Variants in BRINP1 observed in about 807,000 individuals in gnomAD.
BRINP1 encodes the protein BMP/retinoic acid inducible neural specific 1, also known as BMP/retinoic acid-inducible neural-specific protein 1.
A neutral mutation model predicts 72.9 loss-of-function variants in BRINP1; 17 were observed. That is an observed-to-expected ratio of 0.23 (90% CI 0.16 to 0.35). The LOEUF (loss-of-function observed/expected upper bound fraction) is 0.35. Ranked by LOEUF, BRINP1 falls within the 10% of genes least tolerant of loss-of-function variation. BRINP1 has a pLI of 1.00. For missense variants in BRINP1, 850 were observed against 1,001.6 expected (o/e 0.85, Z 2.04); for synonymous variants, 418 against 378.5 (o/e 1.10, Z -1.21).
chr9:119,280,589 G>C (rs754885848), intron 2 of BRINP1, among the ~76,000 whole-genome samples: 29 of 152,170 alleles, frequency 1.9e-4, no homozygotes, highest in Non-Finnish European at 3.1e-4. Flanking sequence ...ACCCAATTGA[G>C]ATGCAGCAAT....
chr9:119,259,999 A>C (rs1035405521), intron 2 of BRINP1, among the ~76,000 whole-genome samples: 8 of 152,136 alleles, frequency 5.3e-5, no homozygotes, highest in Non-Finnish European at 1.2e-4. Flanking sequence ...GCCTCCCCCA[A>C]ATCCACATTC....
rs919155521 is a variant in BRINP1, at chr9:119,269,775, A to G, written c.219-20625T>C. On this transcript the variant is annotated intron_variant, in intron 2 of 7. Coordinates refer to ENST00000265922, the MANE Select transcript of BRINP1 (RefSeq NM_014618.3). ...CACATGATTCATTCATTCATTCAAT[A>G]TTTCATTCATTCATTCAGGCACACA... is the stretch of plus-strand genomic sequence containing the variant. Among the ~76,000 whole-genome samples the G allele has an allele frequency of 5.3e-5, 8 of 152,222 alleles. No individual in the cohort carries two copies. The East Asian group carries it at 7.7e-4, about 15-fold the overall frequency.
intron 1 of BRINP1, among the ~76,000 whole-genome samples, chr9:119,333,959 G>A (rs1831325158): frequency 6.6e-6 from 1 of 152,160 alleles, no homozygotes; most frequent in African/African-American, 2.4e-5. Context: ...GCAGATTAAG[G>A]GGCCTTTGAC....
chr9:119,338,716 C>CA (rs560291604), intron 1 of BRINP1, among the ~76,000 whole-genome samples: 35,380 of 108,336 alleles, frequency 0.33, 5,408 homozygotes, highest in Non-Finnish European at 0.41. Context: ...ACTAAAAATA[C>CA]AAAAAAAAAA....
At chr9:119,251,544 T>A (rs587407) in intron 2 of BRINP1, among the ~76,000 whole-genome samples, 108,455 of 152,070 alleles carry the variant, frequency 0.71, 39,565 homozygotes, top group East Asian at 0.91. Flanking sequence ...GGAGTTCAAA[T>A]CCAGCCTGGA....
At chr9:119,278,778 C>T (rs573475507) in intron 2 of BRINP1, among the ~76,000 whole-genome samples, 63 of 152,212 alleles carry the variant, frequency 4.1e-4, no homozygotes, top group Middle Eastern at 6.8e-3. Context: ...GTCTCAGCTA[C>T]TCAGGAGGCT....
Position 119,166,710 on chromosome 9 carries a change from A to ACATATATCTCTCTTTC in BRINP1, c.*358_*373dup, listed in dbSNP as rs1829316503. The stretch of plus-strand genomic sequence containing the variant: ...AAAATGGCAGTGTCAGTTGTACATT[A>ACATATATCTCTCTTTC]CATATATCTCTCTTTCTTTTTAGTG... On this transcript the variant is annotated 3_prime_UTR_variant, in exon 8 of 8. Transcript: ENST00000265922. 5.9e-6 allele frequency: 1 copy of ACATATATCTCTCTTTC among 170,466 alleles called. No individual in the cohort carries two copies. Among genetic ancestry groups the ACATATATCTCTCTTTC allele is most frequent in the Admixed American group, 6.0e-5 (1 of 16,766 alleles). The allele number at this position is 170,466 out of a possible 1,614,324, so 10.6% of individuals were successfully genotyped here.
At chr9:119,266,492 T>C (rs1327957823) in intron 2 of BRINP1, among the ~76,000 whole-genome samples, 3 of 152,242 alleles carry the variant, frequency 2.0e-5, no homozygotes, top group African/African-American at 7.2e-5. Context: ...ACCTCGAATA[T>C]TTAACATTTT....
chr9:119,182,939 C>G (rs1012452167), intron 7 of BRINP1, among the ~76,000 whole-genome samples: 1 of 151,986 alleles, frequency 6.6e-6, no homozygotes, highest in African/African-American at 2.4e-5. Flanking sequence ...CAGAAAAATG[C>G]AAATTAAACT....
At chr9:119,345,829 G>A (rs908621979) in intron 1 of BRINP1, among the ~76,000 whole-genome samples, 4 of 152,146 alleles carry the variant, frequency 2.6e-5, no homozygotes, top group African/African-American at 9.7e-5. Flanking sequence ...GTCAAGCACT[G>A]CTCTAAGATC....
chr9:119,221,527 G>A (rs542127504), intron 5 of BRINP1, among the ~76,000 whole-genome samples: 4 of 152,210 alleles, frequency 2.6e-5, no homozygotes, highest in African/African-American at 7.2e-5. Flanking sequence ...CAGAAAGGGC[G>A]AAAAGGCTAT....
At chr9:119,217,364 GAGAGA>G (rs923893279) in intron 5 of BRINP1, among the ~76,000 whole-genome samples, 2 of 151,782 alleles carry the variant, frequency 1.3e-5, no homozygotes, top group African/African-American at 2.4e-5. Context: ...GAAAGAGAGA[GAGAGA>G]AAAGAAAACT....
At chr9:119,242,238 A>T (rs1358917111) in intron 3 of BRINP1, 22 bp from the exon 4 acceptor site, 1 of 1,610,788 alleles carries the variant, frequency 6.2e-7, no homozygotes, top group Admixed American at 1.7e-5. Flanking sequence ...AGAAAAGTAG[A>T]TAAGAAGGTT....
At chr9:119,362,354 T>C (rs1831643870) in intron 1 of BRINP1, among the ~76,000 whole-genome samples, 1 of 152,162 alleles carries the variant, frequency 6.6e-6, no homozygotes, top group South Asian at 2.1e-4. Context: ...TCTGAGACCT[T>C]ATAGTTCACT....
At chr9:119,208,441 A>G (rs1194157785) in intron 7 of BRINP1, among the ~76,000 whole-genome samples, 1 of 152,222 alleles carries the variant, frequency 6.6e-6, no homozygotes, top group Non-Finnish European at 1.5e-5. Context: ...CCACATAACT[A>G]TCAGGGCTAG....
chr9:119,277,593 G>A (rs145581605), intron 2 of BRINP1, among the ~76,000 whole-genome samples: 1 of 152,308 alleles, frequency 6.6e-6, no homozygotes, highest in Non-Finnish European at 1.5e-5. Flanking sequence ...AGCCTACTAT[G>A]TCAGAACTAG....
At chr9:119,234,144 G>A (rs1458452238) in intron 5 of BRINP1, among the ~76,000 whole-genome samples, 1 of 152,126 alleles carries the variant, frequency 6.6e-6, no homozygotes, top group Non-Finnish European at 1.5e-5. Flanking sequence ...TAGGAGTCAG[G>A]ATTGATGGGT....
At chr9:119,217,680 G>A (rs1829992390) in intron 5 of BRINP1, among the ~76,000 whole-genome samples, 1 of 152,052 alleles carries the variant, frequency 6.6e-6, no homozygotes, top group Non-Finnish European at 1.5e-5. Context: ...ACCTTCGACA[G>A]GTGCATCTCA....
intron 5 of BRINP1, among the ~76,000 whole-genome samples, chr9:119,232,026 C>T (rs954607050): frequency 6.6e-6 from 1 of 152,138 alleles, no homozygotes; most frequent in African/African-American, 2.4e-5. Context: ...ATTTGTCAAA[C>T]GTAGGTTCCA....
Sources: gnomAD v4.1 joint callset for allele counts (sites outside exome capture counted in the v4.1 genomes callset) on GRCh38, gnomAD v4.1.1 for gene constraint, MANE v1.5 for transcripts, NCBI Gene and HGNC (gene_info 2026-07-23, HGNC 2026-07-21) for gene names.